The following NECTIN2 variants were observed in gnomAD, a reference collection of about 807,000 sequenced individuals.
The protein encoded by NECTIN2 is nectin cell adhesion molecule 2.
NECTIN2 carries 23 observed loss-of-function variants against 56.9 expected under a neutral mutation model. The observed-to-expected ratio is 0.40, with a 90% CI of 0.29 to 0.57. The LOEUF (loss-of-function observed/expected upper bound fraction) is 0.57. NECTIN2 is among the 20% of genes least tolerant of loss of function. The pLI is 0.38. For missense variants in NECTIN2, 587 were observed against 718.3 expected (o/e 0.82, Z 2.09); for synonymous variants, 302 against 313.8 (o/e 0.96, Z 0.40).
At chr19:44,885,783 G>A (rs1387740524) in intron 6 of NECTIN2, among the ~76,000 whole-genome samples, 154 bp from the exon 7 acceptor site, 1 of 152,240 alleles carries the variant, frequency 6.6e-6, no homozygotes, top group Non-Finnish European at 1.5e-5. Context: ...GGAAAAAGAG[G>A]AATTCATGGA....
intron 5 of NECTIN2, among the ~76,000 whole-genome samples, chr19:44,881,618 T>TTC (rs905667203): frequency 1.8e-4 from 27 of 151,728 alleles, no homozygotes; most frequent in African/African-American, 6.3e-4. Context: ...GCCCAGGAGA[T>TTC]TGGGGCTACA....
At chr19:44,847,986 A>G (rs1239801929) in intron 1 of NECTIN2, among the ~76,000 whole-genome samples, 5 of 152,126 alleles carry the variant, frequency 3.3e-5, no homozygotes, top group Non-Finnish European at 7.4e-5. Context: ...CGCCCCTTGC[A>G]GGTGACCCGG....
At chr19:44,862,931 GAGGTC>G (rs1207043219) in intron 1 of NECTIN2, among the ~76,000 whole-genome samples, 1 of 148,258 alleles carries the variant, frequency 6.7e-6, no homozygotes, top group African/African-American at 2.5e-5. Context: ...GGCAGATCAC[GAGGTC>G]AGGAGATTGA....
rs1248639457 is a variant in NECTIN2 at position 44,880,728 on chromosome 19, A to G, written c.1043-1483A>G. 2.7e-5 allele frequency among the ~76,000 whole-genome samples: 4 copies of G among 149,794 alleles called. No homozygotes were observed. In the Admixed American group the frequency reaches 2.7e-4, roughly 10 times the overall value. On this transcript the variant is annotated intron_variant, in intron 5 of 8. Transcript: ENST00000252483. The stretch of plus-strand genomic sequence containing the variant: ...CGATCCTCCCACTTCAGCCTCCAAA[A>G]GTGCTGGGATGACAGGTGTGAGTCA...
chr19:44,860,763 A>AT (rs1000989447), intron 1 of NECTIN2, among the ~76,000 whole-genome samples: 7 of 151,650 alleles, frequency 4.6e-5, no homozygotes, highest in Non-Finnish European at 8.8e-5. Flanking sequence ...TAATTTTTAT[A>AT]TTTTTAGTAG....
In NECTIN2 at chr19:44,888,091, G is replaced by A. The variant is rs1969380383; in HGVS notation, c.1348-19G>A. 3 of 1,605,420 alleles carry A rather than the reference G, an allele frequency of 1.9e-6. No individual in the cohort carries two copies. The highest frequency in any genetic ancestry group is 2.6e-6 in the Non-Finnish European group (3 of 1,173,532). ...GCGTAGGAAGTGATCTTGAGTTCCT[G>A]TCCTCTCTCTACCTCCAGGAAATGC... On this transcript the variant is annotated intron_variant, in intron 8 of 8. Transcript: ENST00000252483.
At chr19:44,871,618 A>T (rs1031715944) in intron 2 of NECTIN2, among the ~76,000 whole-genome samples, 2 of 152,144 alleles carry the variant, frequency 1.3e-5, no homozygotes, top group Non-Finnish European at 2.9e-5. Flanking sequence ...CTATCAATGT[A>T]TTATTTAATT....
chr19:44,883,598 A>G (rs166907), intron 6 of NECTIN2, among the ~76,000 whole-genome samples: 5,201 of 152,276 alleles, frequency 0.034, 330 homozygotes, highest in African/African-American at 0.11. Flanking sequence ...TGGAAGGCCA[A>G]GGCTCTTGTT....
At chr19:44,886,321 G>T in intron 8 of NECTIN2, 102 bp downstream of exon 8, 2 of 926,150 alleles carry the variant, frequency 2.2e-6, no homozygotes, top group South Asian at 1.5e-5. Context: ...CATAACTCAA[G>T]GTCAAGGGTG....
chr19:44,885,850 G>C, intron 6 of NECTIN2, 87 bp from the exon 7 acceptor site: 1 of 1,102,330 alleles, frequency 9.1e-7, no homozygotes, highest in East Asian at 2.4e-5. Context: ...GGGAGACCCA[G>C]GTAGAGGGAA....
intron 2 of NECTIN2, among the ~76,000 whole-genome samples, chr19:44,870,472 G>C (rs969298895): frequency 6.6e-6 from 1 of 152,124 alleles, no homozygotes; most frequent in African/African-American, 2.4e-5. Flanking sequence ...CTGGGTGGGG[G>C]ACACACATCA....
At position 44,874,535 on chromosome 19, in the gene NECTIN2, G is replaced by T; in HGVS notation, c.1042+57G>T. ...CCTGGGTCCGCTCCCCTGGAGTTCT[G>T]CCCTTCAGGACTTGGGGCTGCACTG... On this transcript the variant is annotated intron_variant, in intron 5 of 8. Transcript: ENST00000252483. The surrounding 1 kb of genome is among the most constrained non-coding windows in gnomAD (Gnocchi z 6.3). 2.5e-6 allele frequency: 4 copies of T among 1,598,440 alleles called. No individual in the cohort carries two copies. In the Admixed American group the frequency reaches 6.7e-5, roughly 27 times the overall value.
At chr19:44,872,519 T>G (rs1969187558) in intron 3 of NECTIN2, among the ~76,000 whole-genome samples, 1 of 152,094 alleles carries the variant, frequency 6.6e-6, no homozygotes, top group Non-Finnish European at 1.5e-5. Flanking sequence ...AATGGGGGCT[T>G]CTTTTATTCC....
At chr19:44,878,928 G>C (rs1969276888) in intron 5 of NECTIN2, 1 of 1,182,788 alleles carries the variant, frequency 8.5e-7, no homozygotes, top group African/African-American at 1.6e-5. Flanking sequence ...TAAATGCCTT[G>C]GAGGAAAACA....
Position 44,882,254 on chromosome 19 carries a change from CG to C in NECTIN2, c.1091del (p.Gly364AlafsTer131). On this transcript the variant is annotated frameshift_variant, in exon 6 of 9. Transcript: ENST00000252483. LOFTEE classifies it high-confidence loss of function. ...AGAGATGGII[G>X]GIIAAIIATA... ...GCGCAGGGGCCACAGGCGGCATCATCGGGGGCATCATCGCCGCCATCATTGC... is the reference window on the plus strand; with the variant it reads ...GCGCAGGGGCCACAGGCGGCATCATCGGGGCATCATCGCCGCCATCATTGC... 4 of 1,551,854 alleles carry C rather than the reference CG, an allele frequency of 2.6e-6. No individual in the cohort carries two copies. The highest frequency in any genetic ancestry group is 1.2e-5 in the South Asian group (1 of 83,882).
chr19:44,852,183 ACTCTGTCTTCCAAGCTGGT>A (rs1968907435), intron 1 of NECTIN2, among the ~76,000 whole-genome samples: 1 of 149,976 alleles, frequency 6.7e-6, no homozygotes, highest in Admixed American at 6.7e-5. Context: ...TCACTCTCTC[ACTCTGTCTTCCAAGCTGGT>A]ACAGTGGTGT....
At chr19:44,864,722 G>A (rs1969076129) in intron 1 of NECTIN2, among the ~76,000 whole-genome samples, 1 of 152,150 alleles carries the variant, frequency 6.6e-6, no homozygotes, top group Non-Finnish European at 1.5e-5. Context: ...CAGGTACTCA[G>A]GAGGCTGAGG....
rs1211976676 is a variant in NECTIN2 at position 44,872,972 on chromosome 19, C to G, written c.775+823C>G. ...ACCCCCCGGGCCCTGTTGATCCTGA[C>G]CCCTCCCACTGGGTTTTTTGCTAGC... On this transcript the variant is annotated intron_variant, in intron 3 of 8. Coordinates refer to ENST00000252483, the MANE Select transcript of NECTIN2 (RefSeq NM_001042724.2). 4.0e-5 allele frequency among the ~76,000 whole-genome samples: 6 copies of G among 151,000 alleles called. No homozygotes were observed. In the East Asian group the frequency reaches 1.2e-3, roughly 29 times the overall value.
At chr19:44,868,719 C>G (rs886864645) in intron 2 of NECTIN2, among the ~76,000 whole-genome samples, 24 of 151,280 alleles carry the variant, frequency 1.6e-4, no homozygotes, top group Admixed American at 4.6e-4. Flanking sequence ...CGAGACCATC[C>G]TGGCTAACAC....
Sources: allele counts gnomAD v4.1 joint callset (sites outside exome capture counted in the v4.1 genomes callset), GRCh38; gene constraint gnomAD v4.1.1; non-coding constraint Gnocchi (gnomAD v3.1); transcripts MANE v1.5; gene names NCBI Gene and HGNC (gene_info 2026-07-23, HGNC 2026-07-21).